Variants in LRRTM4 observed in about 807,000 individuals in gnomAD.
LRRTM4 encodes the protein leucine rich repeat transmembrane neuronal 4.
LRRTM4 carries 25 observed loss-of-function variants against 47.6 expected under a neutral mutation model. The observed-to-expected ratio is 0.53, with a 90% confidence interval of 0.38 to 0.73. The LOEUF is 0.73. Ranked by LOEUF, LRRTM4 falls within the 30% of genes least tolerant of loss-of-function variation. The pLI is 0.00. For missense variants in LRRTM4, 638 were observed against 713.4 expected (o/e 0.89, Z 1.20); for synonymous variants, 311 against 269.5 (o/e 1.15, Z -1.51).
At chr2:76,991,702 A>C (rs1011117553) in intron 3 of LRRTM4, among the ~76,000 whole-genome samples, 2 of 151,844 alleles carry the variant, frequency 1.3e-5, no homozygotes, top group Non-Finnish European at 3.0e-5. Context: ...ATTCTACCAG[A>C]TGTACAGAGA....
chr2:77,161,492 T>C (rs943153633), intron 3 of LRRTM4, among the ~76,000 whole-genome samples: 5 of 152,176 alleles, frequency 3.3e-5, no homozygotes, highest in Admixed American at 2.0e-4. Context: ...TAGTGATACT[T>C]GTTGTCTCAG....
chr2:77,489,903 T>C (rs1221530722), intron 3 of LRRTM4, among the ~76,000 whole-genome samples: 2 of 152,184 alleles, frequency 1.3e-5, no homozygotes, highest in African/African-American at 4.8e-5. Context: ...GTGAAACATA[T>C]CTATATGTAG....
intron 3 of LRRTM4, among the ~76,000 whole-genome samples, chr2:76,799,887 ACTTACAAGGGATGAGAAGG>A: frequency 1.3e-5 from 2 of 149,890 alleles, no homozygotes; most frequent in African/African-American, 4.9e-5. Flanking sequence ...TAGGAATCCA[ACTTACAAGGGATGAGAAGG>A]ACCTCTTCAA....
chr2:77,086,073 TTAAG>T (rs1279493283), intron 3 of LRRTM4, among the ~76,000 whole-genome samples: 2 of 152,174 alleles, frequency 1.3e-5, no homozygotes, highest in Non-Finnish European at 1.5e-5. Flanking sequence ...ATTATATTTG[TTAAG>T]TAATTCAGAA....
chr2:77,444,169 A>G (rs1416224791), intron 3 of LRRTM4, among the ~76,000 whole-genome samples: 1 of 152,136 alleles, frequency 6.6e-6, no homozygotes, highest in African/African-American at 2.4e-5. Context: ...TTTCTTATCA[A>G]TATAACACCC....
intron 3 of LRRTM4, among the ~76,000 whole-genome samples, chr2:77,146,470 G>A (rs1039545898): frequency 1.3e-5 from 2 of 152,072 alleles, no homozygotes; most frequent in Non-Finnish European, 2.9e-5. Context: ...GTTAAACCAA[G>A]CTGAAACATT....
At chr2:76,983,683 CCTT>C (rs1257164134) in intron 3 of LRRTM4, among the ~76,000 whole-genome samples, 30 of 151,970 alleles carry the variant, frequency 2.0e-4, no homozygotes, top group Admixed American at 1.9e-3. Context: ...TAATTTGACT[CCTT>C]TTTTCAAAAT....
Position 76,765,169 on chromosome 2 carries a change from G to T in LRRTM4, c.1552-16253C>A, listed in dbSNP as rs141886967. Among the ~76,000 whole-genome samples the T allele has an allele frequency of 5.9e-5, 9 of 152,276 alleles. No individual in the cohort carries two copies. The East Asian group carries it at 1.7e-3, about 29-fold the overall frequency. The stretch of plus-strand genomic sequence containing the variant: ...AACTTCCTTTCTTTCATTTCTCTCT[G>T]TTAGAATAGGTCGTCTATTCTATGC... On this transcript the variant is annotated intron_variant, in intron 3 of 3. Coordinates refer to ENST00000409884, the MANE Select transcript of LRRTM4 (RefSeq NM_001134745.3).
chr2:77,464,086 G>C (rs979275029), intron 3 of LRRTM4, among the ~76,000 whole-genome samples: 1 of 152,090 alleles, frequency 6.6e-6, no homozygotes, highest in African/African-American at 2.4e-5. Context: ...AAGACCATCA[G>C]GTAATTGAGA....
chr2:77,028,030 T>C (rs1257894218), intron 3 of LRRTM4, among the ~76,000 whole-genome samples: 1 of 151,990 alleles, frequency 6.6e-6, no homozygotes, highest in East Asian at 1.9e-4. Flanking sequence ...GAAAAACTCA[T>C]GATTTTTCAC....
intron 3 of LRRTM4, among the ~76,000 whole-genome samples, chr2:77,158,658 T>A (rs1365955159): frequency 6.6e-6 from 1 of 152,146 alleles, no homozygotes; most frequent in Non-Finnish European, 1.5e-5. Flanking sequence ...GTTTGTCTAT[T>A]TATATTTTGT....
At chr2:76,832,252 T>C (rs1002635584) in intron 3 of LRRTM4, among the ~76,000 whole-genome samples, 2 of 152,072 alleles carry the variant, frequency 1.3e-5, no homozygotes, top group South Asian at 4.1e-4. Flanking sequence ...GTCGTAGGCT[T>C]CTTTGTATCC....
At chr2:77,052,281 G>A (rs1679462052) in intron 3 of LRRTM4, among the ~76,000 whole-genome samples, 1 of 147,282 alleles carries the variant, frequency 6.8e-6, no homozygotes, top group Non-Finnish European at 1.5e-5. Flanking sequence ...CAATTCTCCT[G>A]CCTCAACCTC....
At chr2:77,446,286 C>G (rs1676048115) in intron 3 of LRRTM4, among the ~76,000 whole-genome samples, 1 of 151,932 alleles carries the variant, frequency 6.6e-6, no homozygotes, top group African/African-American at 2.4e-5. Flanking sequence ...GTAGGATGTA[C>G]AGCAGCATCT....
At chr2:76,759,327 A>T (rs529516749) in intron 3 of LRRTM4, among the ~76,000 whole-genome samples, 1 of 152,302 alleles carries the variant, frequency 6.6e-6, no homozygotes, top group African/African-American at 2.4e-5. Context: ...TAAAGCTCTC[A>T]GTGCATCCCA....
At chr2:76,770,067 A>G (rs1431511191) in intron 3 of LRRTM4, among the ~76,000 whole-genome samples, 1 of 152,172 alleles carries the variant, frequency 6.6e-6, no homozygotes, top group Non-Finnish European at 1.5e-5. Flanking sequence ...GTGGGAGATG[A>G]AGACTCACCA....
At chr2:77,144,608 T>C (rs1182276540) in intron 3 of LRRTM4, among the ~76,000 whole-genome samples, 5 of 152,168 alleles carry the variant, frequency 3.3e-5, no homozygotes, top group Non-Finnish European at 5.9e-5. Context: ...CTAAAGGACC[T>C]CTGCACTAGA....
intron 3 of LRRTM4, among the ~76,000 whole-genome samples, chr2:76,905,659 G>C (rs943821614): frequency 1.5e-3 from 9 of 5,952 alleles, no homozygotes; most frequent in Non-Finnish European, 2.4e-3. Flanking sequence ...TAAAGGAGCT[G>C]ACTGAGCTGA....
In LRRTM4 at chr2:77,277,259, T is replaced by G. The variant is rs1045402024; in HGVS notation, c.1551+241059A>C. 5.3e-5 allele frequency among the ~76,000 whole-genome samples: 8 copies of G among 152,200 alleles called. No individual in the cohort carries two copies. In the East Asian group the frequency reaches 1.5e-3, roughly 29 times the overall value. On this transcript the variant is annotated intron_variant, in intron 3 of 3. Coordinates refer to ENST00000409884, the MANE Select transcript of LRRTM4 (RefSeq NM_001134745.3). ...ATTTCTGAGAAAATAAATTTTACTA[T>G]TTTTAGTGTAGCTTTGTATAGCAAT...
Sources: gnomAD v4.1 joint callset for allele counts (sites outside exome capture counted in the v4.1 genomes callset) on GRCh38, gnomAD v4.1.1 for gene constraint, MANE v1.5 for transcripts, NCBI Gene and HGNC (gene_info 2026-07-23, HGNC 2026-07-21) for gene names.